The following COLEC12 variants were observed in gnomAD, a reference collection of about 807,000 sequenced individuals.
COLEC12 encodes the protein collectin-12.
A neutral mutation model predicts 71.1 loss-of-function variants in COLEC12; 33 were observed. That is an observed-to-expected ratio of 0.46 (90% CI 0.35 to 0.62). The LOEUF (loss-of-function observed/expected upper bound fraction) is 0.62, where lower values mean the gene tolerates loss of function less well. Ranked by LOEUF, COLEC12 falls within the 20% of genes least tolerant of loss-of-function variation. The probability of loss-of-function intolerance (pLI) is 0.00; values close to 1 mark genes in which losing one functional copy is unlikely to be tolerated. For synonymous variants in COLEC12, 350 were observed against 353.0 expected (o/e 0.99, Z 0.10); for missense variants, 765 against 916.1 (o/e 0.84, Z 2.13).
chr18:399,073 T>C lies in COLEC12; in HGVS notation c.59-41551A>G, dbSNP rs1337178606. Reference sequence around the variant, plus strand: ...GAGTAGGTCCAAATAGTGCAAAGCATTTTGGGACCACCCATGTACACTGGG... The same window carrying C: ...GAGTAGGTCCAAATAGTGCAAAGCACTTTGGGACCACCCATGTACACTGGG... On this transcript the variant is annotated intron_variant, in intron 2 of 9. Transcript: ENST00000400256. This position sits in a 1 kb window ranked among gnomAD's most constrained non-coding sequence, Gnocchi z 4.0. Among the ~76,000 whole-genome samples, 1 of 152,220 alleles carries C rather than the reference T, an allele frequency of 6.6e-6. No individual in the cohort carries two copies. Among genetic ancestry groups the C allele is most frequent in the Non-Finnish European group, 1.5e-5 (1 of 68,038 alleles).
chr18:387,083 T>C (rs1915361161), intron 2 of COLEC12, among the ~76,000 whole-genome samples: 2 of 152,222 alleles, frequency 1.3e-5, no homozygotes. Flanking sequence ...AGTCCTGTTT[T>C]CCAACACATG....
At chr18:329,334 C>A (rs889880876) in intron 8 of COLEC12, among the ~76,000 whole-genome samples, 8 of 152,046 alleles carry the variant, frequency 5.3e-5, no homozygotes, top group African/African-American at 1.9e-4. Context: ...TGTGCATTTA[C>A]GGCAGTGAAA....
chr18:368,003 CT>C (rs1292054419), intron 2 of COLEC12, among the ~76,000 whole-genome samples: 1 of 152,032 alleles, frequency 6.6e-6, no homozygotes, highest in African/African-American at 2.4e-5. Flanking sequence ...GACAGCTATA[CT>C]TTTGGAAGTC....
At chr18:485,293 A>G (rs1002359282) in intron 1 of COLEC12, among the ~76,000 whole-genome samples, 1 of 152,218 alleles carries the variant, frequency 6.6e-6, no homozygotes, top group Non-Finnish European at 1.5e-5. Context: ...TATCTCTGAC[A>G]GTCATAGCCA....
chr18:391,768 G>T (rs1455628190), intron 2 of COLEC12, among the ~76,000 whole-genome samples: 1 of 152,128 alleles, frequency 6.6e-6, no homozygotes, highest in East Asian at 1.9e-4. Flanking sequence ...GGCAGGAGGT[G>T]GCAATAGTTA....
At chr18:491,669 G>C (rs1322814248) in intron 1 of COLEC12, among the ~76,000 whole-genome samples, 1 of 152,178 alleles carries the variant, frequency 6.6e-6, no homozygotes, top group Non-Finnish European at 1.5e-5. Context: ...GTGACTATTT[G>C]GGGGAAGGAC....
chr18:435,145 C>T (rs1392464318), intron 2 of COLEC12, among the ~76,000 whole-genome samples: 1 of 152,192 alleles, frequency 6.6e-6, no homozygotes, highest in African/African-American at 2.4e-5. Context: ...CTCTCTTGCA[C>T]ATTATTAATA....
intron 2 of COLEC12, among the ~76,000 whole-genome samples, chr18:468,187 G>A (rs1320696963): frequency 1.3e-5 from 2 of 151,540 alleles, no homozygotes; most frequent in African/African-American, 4.8e-5. Context: ...GCTTAAACCC[G>A]GTAGGCGGAG....
rs960324871 is a variant in COLEC12 at position 382,405 on chromosome 18, G to A, written c.59-24883C>T. ...GTAAATTTACTTGTAGGCAAGAAGA[G>A]TGTCTTCTAAGTGTTCTGCATCTCA... On this transcript the variant is annotated intron_variant, in intron 2 of 9. Transcript: ENST00000400256. Among the ~76,000 whole-genome samples, 6 of 152,228 alleles carry A rather than the reference G, an allele frequency of 3.9e-5. No individual in the cohort carries two copies. In the East Asian group the frequency reaches 1.2e-3, roughly 29 times the overall value.
chr18:466,982 G>A (rs1405485529), intron 2 of COLEC12, among the ~76,000 whole-genome samples: 1 of 152,018 alleles, frequency 6.6e-6, no homozygotes, highest in Non-Finnish European at 1.5e-5. Flanking sequence ...AGCTGTGGGT[G>A]TACCTATATC....
At chr18:352,264 T>C (rs1914538912) in intron 3 of COLEC12, among the ~76,000 whole-genome samples, 1 of 152,228 alleles carries the variant, frequency 6.6e-6, no homozygotes. Context: ...TTTACAGGTT[T>C]AGGTTCAGTT....
At chr18:349,073 G>A (rs757948448) in intron 3 of COLEC12, among the ~76,000 whole-genome samples, 9 of 152,140 alleles carry the variant, frequency 5.9e-5, no homozygotes, top group African/African-American at 1.4e-4. Context: ...TTCTCTTGCC[G>A]TCCCAAATGT....
In COLEC12 at chr18:455,646, T is replaced by TC. The variant is rs1159611735; in HGVS notation, c.58+25060_58+25061insG. 2.5e-4 allele frequency among the ~76,000 whole-genome samples: 37 copies of TC among 149,536 alleles called. 1 individual carries two copies. The highest frequency in any genetic ancestry group is 6.6e-4 in the South Asian group (3 of 4,576). On this transcript the variant is annotated intron_variant, in intron 2 of 9. Coordinates refer to ENST00000400256, the MANE Select transcript of COLEC12 (RefSeq NM_130386.3). ...TTTGTCCTAATGCTCCCCCTCCCTT[T>TC]GCCCCCCCCTCCCCTGACAGGCCTG... is the stretch of plus-strand genomic sequence containing the variant.
intron 2 of COLEC12, among the ~76,000 whole-genome samples, chr18:393,917 T>C (rs1304268036): frequency 2.0e-5 from 3 of 152,212 alleles, no homozygotes; most frequent in Non-Finnish European, 4.4e-5. Context: ...TGAAGGAAAC[T>C]TAAGATGTTT....
chr18:416,908 G>T (rs1915997044), intron 2 of COLEC12, among the ~76,000 whole-genome samples: 1 of 151,970 alleles, frequency 6.6e-6, no homozygotes, highest in Non-Finnish European at 1.5e-5. Context: ...GAAGAAGGAA[G>T]GGAAGGGCAT....
rs1261539961 is a variant in COLEC12 at position 399,773 on chromosome 18, A to G, written c.59-42251T>C. 6.6e-6 allele frequency among the ~76,000 whole-genome samples: 1 copy of G among 152,204 alleles called. No individual in the cohort carries two copies. The highest frequency in any genetic ancestry group is 1.9e-4 in the East Asian group (1 of 5,198). On this transcript the variant is annotated intron_variant, in intron 2 of 9. Coordinates refer to ENST00000400256, the MANE Select transcript of COLEC12 (RefSeq NM_130386.3). The surrounding 1 kb of genome is among the most constrained non-coding windows in gnomAD (Gnocchi z 4.0). Reference sequence around the variant, plus strand: ...AATATGCCCTCGTTCCCCCATCTCCATGACTACCACTGAAGGAAGGAGGCT... The same window carrying G: ...AATATGCCCTCGTTCCCCCATCTCCGTGACTACCACTGAAGGAAGGAGGCT...
chr18:359,258 C>G (rs757636389), intron 2 of COLEC12, among the ~76,000 whole-genome samples: 1 of 152,124 alleles, frequency 6.6e-6, no homozygotes, highest in Non-Finnish European at 1.5e-5. Context: ...AGTATTTACA[C>G]CATAGAAATT....
intron 2 of COLEC12, among the ~76,000 whole-genome samples, chr18:359,453 T>C (rs1914697125): frequency 6.6e-6 from 1 of 152,266 alleles, no homozygotes; most frequent in Non-Finnish European, 1.5e-5. Flanking sequence ...GTGACCCTTA[T>C]ATTAGTTATC....
chr18:378,004 A>G (rs1598344389), intron 2 of COLEC12, among the ~76,000 whole-genome samples: 1 of 152,306 alleles, frequency 6.6e-6, no homozygotes, highest in South Asian at 2.1e-4. Flanking sequence ...AAAAGAGAAT[A>G]TAGAATTGTG....
Sources: allele counts gnomAD v4.1 joint callset (sites outside exome capture counted in the v4.1 genomes callset), GRCh38; gene constraint gnomAD v4.1.1; non-coding constraint Gnocchi (gnomAD v3.1); transcripts MANE v1.5; gene names NCBI Gene and HGNC (gene_info 2026-07-23, HGNC 2026-07-21).